The following NCAM1 variants were observed in gnomAD, a reference collection of about 807,000 sequenced individuals.
The protein encoded by NCAM1 is neural cell adhesion molecule 1.
NCAM1 carries 14 observed loss-of-function variants against 109.8 expected under a neutral mutation model. The observed-to-expected ratio is 0.13, with a 90% CI of 0.08 to 0.20. The LOEUF (loss-of-function observed/expected upper bound fraction) is 0.20, where lower values mean the gene tolerates loss of function less well. NCAM1 is among the 10% of genes least tolerant of loss of function. The pLI is 1.00. For missense variants in NCAM1, 774 were observed against 1,109.9 expected, an observed-to-expected ratio of 0.70 and a Z score of 4.30; for synonymous variants, 418 against 442.9, an observed-to-expected ratio of 0.94 and a Z score of 0.70.
chr11:113,155,876 C>T (rs1555103384), intron 1 of NCAM1, among the ~76,000 whole-genome samples: 1 of 152,132 alleles, frequency 6.6e-6, no homozygotes, highest in African/African-American at 2.4e-5. Flanking sequence ...CTCTCCTCCT[C>T]TCAGCCCTCA....
chr11:113,199,545 G>C (rs1555111444), intron 1 of NCAM1, among the ~76,000 whole-genome samples: 1 of 151,230 alleles, frequency 6.6e-6, no homozygotes, highest in Non-Finnish European at 1.5e-5. Flanking sequence ...TTTTCCATCT[G>C]TGCAAAAGGC....
chr11:113,231,851 TGA>T, intron 10 of NCAM1, 56 bp downstream of exon 10: 7 of 1,603,004 alleles, frequency 4.4e-6, no homozygotes, highest in Non-Finnish European at 6.0e-6. Context: ...AGGGTCAGGA[TGA>T]GAGAGGAAAA....
chr11:113,240,136 A>G (rs967170415), intron 14 of NCAM1, among the ~76,000 whole-genome samples: 3 of 152,208 alleles, frequency 2.0e-5, no homozygotes, highest in African/African-American at 7.2e-5. Context: ...CATTATTTGC[A>G]TGGCTCTTAC....
At chr11:113,044,687 A>G (rs1953203405) in intron 1 of NCAM1, among the ~76,000 whole-genome samples, 1 of 151,918 alleles carries the variant, frequency 6.6e-6, no homozygotes, top group Non-Finnish European at 1.5e-5. Flanking sequence ...CTCTGTCTCA[A>G]AAAACACAAA....
chr11:113,093,046 T>C (rs1939423980), intron 1 of NCAM1, among the ~76,000 whole-genome samples: 1 of 152,206 alleles, frequency 6.6e-6, no homozygotes, highest in Non-Finnish European at 1.5e-5. Flanking sequence ...TCTTGAATCT[T>C]TGGAGCCTGG....
chr11:113,042,255 A>G (rs993520302), intron 1 of NCAM1, among the ~76,000 whole-genome samples: 3 of 151,980 alleles, frequency 2.0e-5, no homozygotes, highest in African/African-American at 7.3e-5. Flanking sequence ...AAGAGATGTT[A>G]TCACCTCCTT....
chr11:113,046,801 AAAG>A (rs1409558608), intron 1 of NCAM1, among the ~76,000 whole-genome samples: 16 of 140,902 alleles, frequency 1.1e-4, no homozygotes, highest in African/African-American at 2.0e-4. Flanking sequence ...AGAAGAAAGA[AAAG>A]AGAGAGAGAG....
At chr11:113,098,585 C>T (rs1555090882) in intron 1 of NCAM1, among the ~76,000 whole-genome samples, 1 of 152,032 alleles carries the variant, frequency 6.6e-6, no homozygotes, top group East Asian at 1.9e-4. Flanking sequence ...TAGGAAGAAA[C>T]TACAACAGGA....
intron 1 of NCAM1, among the ~76,000 whole-genome samples, chr11:113,148,800 G>T (rs529676065): frequency 6.6e-6 from 1 of 152,252 alleles, no homozygotes; most frequent in South Asian, 2.1e-4. Flanking sequence ...CAAGTCTCAG[G>T]AAAGCTGCTT....
At chr11:113,252,751 T>A (rs1265172014) in intron 15 of NCAM1, among the ~76,000 whole-genome samples, 1 of 142,354 alleles carries the variant, frequency 7.0e-6, no homozygotes, top group Non-Finnish European at 1.5e-5. Context: ...TTCTCGTGCC[T>A]CAGCCTCTTC....
intron 1 of NCAM1, among the ~76,000 whole-genome samples, chr11:113,027,909 G>T (rs1322938876): frequency 2.6e-5 from 4 of 152,104 alleles, no homozygotes; most frequent in Non-Finnish European, 5.9e-5. Flanking sequence ...AGAATAGAAA[G>T]GAAGGACATA....
chr11:112,985,024 T>G (rs1951261675), intron 1 of NCAM1, among the ~76,000 whole-genome samples: 2 of 151,918 alleles, frequency 1.3e-5, no homozygotes, highest in Admixed American at 1.3e-4. Context: ...GTTTTATAGC[T>G]CCAGGTCTTT....
At chr11:113,211,264 C>T (rs1944384886) in intron 7 of NCAM1, among the ~76,000 whole-genome samples, 1 of 152,138 alleles carries the variant, frequency 6.6e-6, no homozygotes, top group Non-Finnish European at 1.5e-5. Context: ...GGAGTAGAGT[C>T]TACAGCAGTG....
At chr11:113,172,406 A>G (rs1943024768) in intron 1 of NCAM1, among the ~76,000 whole-genome samples, 1 of 151,950 alleles carries the variant, frequency 6.6e-6, no homozygotes, top group African/African-American at 2.4e-5. Context: ...CTCCCCTCCA[A>G]CTGATCCTCA....
intron 1 of NCAM1, among the ~76,000 whole-genome samples, chr11:113,137,508 C>T (rs145093504): frequency 4.6e-5 from 7 of 152,308 alleles, no homozygotes; most frequent in South Asian, 4.1e-4. Flanking sequence ...TATTAATTTG[C>T]GACTCAACAT....
chr11:113,162,637 G>A (rs1036115861), intron 1 of NCAM1, among the ~76,000 whole-genome samples: 1 of 152,192 alleles, frequency 6.6e-6, no homozygotes, highest in Non-Finnish European at 1.5e-5. Flanking sequence ...AATTGCTGTG[G>A]AGGGATAGCA....
At chr11:113,083,386 A>T (rs1349556825) in intron 1 of NCAM1, among the ~76,000 whole-genome samples, 2 of 152,192 alleles carry the variant, frequency 1.3e-5, no homozygotes, top group Non-Finnish European at 2.9e-5. Flanking sequence ...CCAGGGCTTG[A>T]TCATTAGATG....
chr11:113,260,415 G>T, intron 17 of NCAM1, 92 bp downstream of exon 17: 1 of 1,374,950 alleles, frequency 7.3e-7, no homozygotes, highest in African/African-American at 1.4e-5. Flanking sequence ...CTGACAACTT[G>T]CTTGCTTACA....
At chr11:113,235,543 G>T (rs965546308) in intron 14 of NCAM1, among the ~76,000 whole-genome samples, 1 of 152,214 alleles carries the variant, frequency 6.6e-6, no homozygotes, top group Non-Finnish European at 1.5e-5. Flanking sequence ...TGACTTGCAG[G>T]AAGAGGGTAA....
Sources: gnomAD v4.1 joint callset for allele counts (sites outside exome capture counted in the v4.1 genomes callset) on GRCh38, gnomAD v4.1.1 for gene constraint, MANE v1.5 for transcripts, NCBI Gene and HGNC (gene_info 2026-07-23, HGNC 2026-07-21) for gene names.